The following ULK2 variants were observed in gnomAD, a reference collection of about 807,000 sequenced individuals.
ULK2 encodes unc-51 like autophagy activating kinase 2, also known as serine/threonine-protein kinase ULK2.
A neutral mutation model predicts 127.5 loss-of-function variants in ULK2; 76 were observed. The observed-to-expected ratio is 0.60, with a 90% confidence interval of 0.50 to 0.72. The LOEUF (loss-of-function observed/expected upper bound fraction) is 0.72, where lower values mean the gene tolerates loss of function less well. Ranked by LOEUF, ULK2 falls within the 30% of genes least tolerant of loss-of-function variation. ULK2 has a pLI of 0.00. For missense variants in ULK2, 1,144 were observed against 1,295.9 expected (o/e 0.88, Z 1.80); for synonymous variants, 452 against 461.9 (o/e 0.98, Z 0.28).
In ULK2 at chr17:19,771,537, A is replaced by G. The variant is rs1215991204; in HGVS notation, c.*4812T>C. ...ATTGTTCTCCACCCCCTCCCAAAACAAAACAAAAGCAGTGAAGAGCCACAG... is the reference window on the plus strand; with the variant it reads ...ATTGTTCTCCACCCCCTCCCAAAACGAAACAAAAGCAGTGAAGAGCCACAG... On this transcript the variant is annotated 3_prime_UTR_variant, in exon 27 of 27. Transcript: ENST00000395544. 1.3e-5 allele frequency: 2 copies of G among 152,328 alleles called. No homozygotes were observed. Among genetic ancestry groups the G allele is most frequent in the Non-Finnish European group, 2.9e-5 (2 of 68,156 alleles). The allele number at this position is 152,328 out of a possible 1,614,324, so 9.4% of individuals were successfully genotyped here. A position where few individuals can be genotyped will look rare whatever the true frequency, so the allele number is the denominator to read the frequency against.
intron 2 of ULK2, among the ~76,000 whole-genome samples, chr17:19,865,301 A>G (rs540714478): frequency 6.6e-6 from 1 of 152,304 alleles, no homozygotes; most frequent in East Asian, 1.9e-4. Flanking sequence ...TCCCACTTAG[A>G]TAACACTGGT....
chr17:19,825,410 AG>A lies in ULK2; in HGVS notation c.836-229del, dbSNP rs569777339. Among the ~76,000 whole-genome samples the A allele has an allele frequency of 1.4e-3, 212 of 152,336 alleles. 1 individual carries two copies. The highest frequency in any genetic ancestry group is 5.0e-3 in the African/African-American group (207 of 41,576). ...ACAGTTATTAAATAAACACAACCGT[AG>A]GTATCTAAGAAAATCAGGCTGGGAG... On this transcript the variant is annotated intron_variant, in intron 11 of 26. Transcript: ENST00000395544.
chr17:19,782,319 C>T (rs1227295640), intron 22 of ULK2, among the ~76,000 whole-genome samples: 1 of 152,038 alleles, frequency 6.6e-6, no homozygotes, highest in African/African-American at 2.4e-5. Context: ...GGATGGGTCG[C>T]TGTGCTTTTA....
At chr17:19,842,887 C>T (rs544454792) in intron 8 of ULK2, among the ~76,000 whole-genome samples, 1 of 152,234 alleles carries the variant, frequency 6.6e-6, no homozygotes, top group South Asian at 2.1e-4. Flanking sequence ...TAGCCCCGAA[C>T]CCAACATACA....
chr17:19,791,577 CAA>C (rs2087154158), intron 20 of ULK2, among the ~76,000 whole-genome samples: 2 of 152,088 alleles, frequency 1.3e-5, no homozygotes, highest in Admixed American at 1.3e-4. Flanking sequence ...TCCAGCTACT[CAA>C]GAGGCTGAGG....
chr17:19,847,307 C>T (rs997872919), intron 5 of ULK2, among the ~76,000 whole-genome samples: 2 of 152,098 alleles, frequency 1.3e-5, no homozygotes, highest in Non-Finnish European at 2.9e-5. Context: ...ATATTTAATT[C>T]CAACCATTAT....
chr17:19,799,609 G>A (rs2087353011), intron 16 of ULK2, 34 bp from the exon 17 acceptor site: 5 of 1,470,828 alleles, frequency 3.4e-6, no homozygotes, highest in African/African-American at 2.9e-5. Context: ...ATGGGGAAAG[G>A]AAGAAAAATG....
chr17:19,785,777 AC>A (rs2087016183), intron 21 of ULK2, among the ~76,000 whole-genome samples, 159 bp downstream of exon 21: 1 of 152,150 alleles, frequency 6.6e-6, no homozygotes, highest in Non-Finnish European at 1.5e-5. Context: ...ACTTCTTATA[AC>A]CCATTAAGAT....
intron 20 of ULK2, among the ~76,000 whole-genome samples, chr17:19,791,844 CA>C (rs58434256): frequency 0.12 from 5,635 of 48,208 alleles, 126 homozygotes; most frequent in African/African-American, 0.27. Context: ...ACCCTGTTTA[CA>C]AAAAAAAAAA....
intron 9 of ULK2, chr17:19,840,056 C>T (rs1413269101): frequency 9.7e-6 from 3 of 310,162 alleles, no homozygotes; most frequent in South Asian, 3.0e-5. Context: ...AAATAATGTA[C>T]ATCTATGGGA....
At chr17:19,798,040 G>T (rs2087313068) in intron 17 of ULK2, among the ~76,000 whole-genome samples, 1 of 152,070 alleles carries the variant, frequency 6.6e-6, no homozygotes, top group South Asian at 2.1e-4. Flanking sequence ...CAGGATGATT[G>T]TTACTCTATA....
chr17:19,775,248 G>C lies in ULK2; in HGVS notation c.*1101C>G, dbSNP rs2086793971. ...TGACTAGCTATTTGGTGAACTGTCA[G>C]AATTAACATGAAAAATACACATTAG... On this transcript the variant is annotated 3_prime_UTR_variant, in exon 27 of 27. Coordinates refer to ENST00000395544, the MANE Select transcript of ULK2 (RefSeq NM_014683.4). 6.6e-6 allele frequency: 1 copy of C among 152,566 alleles called. No individual in the cohort carries two copies. Among genetic ancestry groups the C allele is most frequent in the Non-Finnish European group, 1.5e-5 (1 of 68,034 alleles). The allele number at this position is 152,566 out of a possible 1,614,324, so 9.5% of individuals were successfully genotyped here. A position where few individuals can be genotyped will look rare whatever the true frequency, so the allele number is the denominator to read the frequency against.
At chr17:19,797,226 G>A (rs778736611) in intron 18 of ULK2, among the ~76,000 whole-genome samples, 170 bp downstream of exon 18, 2 of 151,668 alleles carry the variant, frequency 1.3e-5, no homozygotes, top group Non-Finnish European at 3.0e-5. Context: ...GAACCTGGGA[G>A]GTGGAGGTTG....
intron 13 of ULK2, among the ~76,000 whole-genome samples, chr17:19,814,411 C>CATATATAT (rs35552728): frequency 2.5e-4 from 9 of 36,530 alleles, no homozygotes; most frequent in East Asian, 1.6e-3. Context: ...TTATTATATA[C>CATATATAT]ATATATATAT....
At chr17:19,841,610 T>C (rs1218733053) in intron 8 of ULK2, 63 bp from the exon 9 acceptor site, 23 of 1,300,618 alleles carry the variant, frequency 1.8e-5, no homozygotes, top group African/African-American at 6.1e-5. Context: ...AATCATATGA[T>C]TGACACTCAT....
chr17:19,845,976 G>C (rs2041870783), intron 6 of ULK2, among the ~76,000 whole-genome samples: 1 of 151,906 alleles, frequency 6.6e-6, no homozygotes, highest in Non-Finnish European at 1.5e-5. Flanking sequence ...AAATTAGCTG[G>C]GTGTGGTGGC....
At chr17:19,790,696 G>A (rs955126198) in intron 20 of ULK2, among the ~76,000 whole-genome samples, 2 of 152,190 alleles carry the variant, frequency 1.3e-5, no homozygotes, top group Admixed American at 6.5e-5. Context: ...CTTCAGCCAT[G>A]AGTTAAAAGA....
chr17:19,772,330 G>C lies in ULK2; in HGVS notation c.*4019C>G, dbSNP rs933163733. 6.6e-6 allele frequency: 1 copy of C among 152,198 alleles called. No homozygotes were observed. Among genetic ancestry groups the C allele is most frequent in the Admixed American group, 6.5e-5 (1 of 15,278 alleles). 9.4% of individuals were successfully genotyped at this position (152,198 alleles called of 1,614,324 possible). On this transcript the variant is annotated 3_prime_UTR_variant, in exon 27 of 27. Transcript: ENST00000395544. ...TCTGATGTGGTTTCCTCTGATGCAG[G>C]TGAGGGAAGTATCATCTTGACTCCT...
chr17:19,867,633 T>A lies in ULK2; in HGVS notation c.-216A>T. ...GGTCAGCGAGGCCCGGCCCGGCCCC[T>A]GCCGCTCATGGCCCGGCCTGCCGCC... On this transcript the variant is annotated 5_prime_UTR_variant, in exon 1 of 27. Coordinates refer to ENST00000395544, the MANE Select transcript of ULK2 (RefSeq NM_014683.4). 3.8e-6 allele frequency: 1 copy of A among 263,310 alleles called. No individual in the cohort carries two copies. The highest frequency in any genetic ancestry group is 7.2e-5 in the East Asian group (1 of 13,958). 16.3% of individuals were successfully genotyped at this position (263,310 alleles called of 1,614,324 possible). A position where few individuals can be genotyped will look rare whatever the true frequency, so the allele number is the denominator to read the frequency against.
Sources: gnomAD v4.1 joint callset for allele counts (sites outside exome capture counted in the v4.1 genomes callset) on GRCh38, gnomAD v4.1.1 for gene constraint, MANE v1.5 for transcripts, NCBI Gene and HGNC (gene_info 2026-07-23, HGNC 2026-07-21) for gene names.